Variants in SPOP observed in about 807,000 individuals in gnomAD.
SPOP encodes the protein speckle type BTB/POZ protein.
A neutral mutation model predicts 45.6 loss-of-function variants in SPOP; 11 were observed. The ratio of observed to expected loss-of-function variants is 0.24; its 90% CI spans 0.15 to 0.40. The LOEUF (loss-of-function observed/expected upper bound fraction) is 0.40, where lower values mean the gene tolerates loss of function less well. Ranked by LOEUF, SPOP falls within the 10% of genes least tolerant of loss-of-function variation. The pLI, the probability that SPOP is intolerant of heterozygous loss-of-function variation, is 1.00. For missense variants in SPOP, 152 were observed against 465.6 expected (o/e 0.33, Z 6.20); for synonymous variants, 166 against 166.3 (o/e 1.00, Z 0.01).
At chr17:49,611,783 T>C (rs1044177880) in intron 5 of SPOP, among the ~76,000 whole-genome samples, 14 of 152,076 alleles carry the variant, frequency 9.2e-5, no homozygotes, top group Admixed American at 2.6e-4. Flanking sequence ...CAGAAACAAA[T>C]GTTAAACCTC....
At chr17:49,644,001 A>G (rs984479177) in intron 1 of SPOP, among the ~76,000 whole-genome samples, 3 of 152,078 alleles carry the variant, frequency 2.0e-5, no homozygotes, top group African/African-American at 7.2e-5. Context: ...AAGGAGAATA[A>G]AAGGTGAGCA....
intron 1 of SPOP, among the ~76,000 whole-genome samples, chr17:49,641,265 A>C (rs2072644020): frequency 2.6e-5 from 1 of 38,004 alleles, no homozygotes; most frequent in African/African-American, 1.6e-4. Context: ...TCTGTCTCCA[A>C]AAAAAAAAAA....
At chr17:49,645,024 G>A (rs1048515003) in intron 1 of SPOP, among the ~76,000 whole-genome samples, 4 of 151,880 alleles carry the variant, frequency 2.6e-5, no homozygotes, top group Non-Finnish European at 5.9e-5. Flanking sequence ...CAGGAAAAAT[G>A]GTAAATTAGA....
At chr17:49,654,829 A>G (rs2072886743) in intron 1 of SPOP, among the ~76,000 whole-genome samples, 1 of 152,172 alleles carries the variant, frequency 6.6e-6, no homozygotes, top group South Asian at 2.1e-4. Flanking sequence ...ATTCTGGTTT[A>G]TTTTGTCAAC....
chr17:49,612,228 G>A (rs780226688), intron 5 of SPOP, among the ~76,000 whole-genome samples: 6 of 152,152 alleles, frequency 3.9e-5, no homozygotes, highest in Admixed American at 6.5e-5. Context: ...TAGTTAGGTC[G>A]AGAACATGCA....
intron 1 of SPOP, among the ~76,000 whole-genome samples, chr17:49,647,246 G>T (rs1472990261): frequency 6.8e-6 from 1 of 146,538 alleles, no homozygotes; most frequent in Non-Finnish European, 1.5e-5. Flanking sequence ...AGGCAGAGAG[G>T]TTGCAGACAG....
intron 8 of SPOP, among the ~76,000 whole-genome samples, chr17:49,604,952 G>A (rs953355534): frequency 2.0e-5 from 3 of 152,176 alleles, no homozygotes; most frequent in African/African-American, 7.2e-5. Flanking sequence ...AAAATTCACA[G>A]TAACATTAAT....
At chr17:49,639,121 T>C (rs2072599560) in intron 1 of SPOP, among the ~76,000 whole-genome samples, 3 of 152,174 alleles carry the variant, frequency 2.0e-5, no homozygotes, top group African/African-American at 7.2e-5. Context: ...GATAGAAAGA[T>C]AGAATGCCTT....
At chr17:49,634,535 A>T (rs2072509326) in intron 1 of SPOP, among the ~76,000 whole-genome samples, 3 of 152,250 alleles carry the variant, frequency 2.0e-5, no homozygotes, top group Admixed American at 2.0e-4. Flanking sequence ...CTCAATGATG[A>T]CTATGAAGAA....
intron 1 of SPOP, among the ~76,000 whole-genome samples, chr17:49,661,869 C>T (rs1266718697): frequency 2.0e-5 from 3 of 152,058 alleles, no homozygotes; most frequent in Admixed American, 1.3e-4. Context: ...CAAAATTAGC[C>T]GGGCATTGTG....
intron 1 of SPOP, among the ~76,000 whole-genome samples, chr17:49,638,916 G>A (rs1276115533): frequency 1.3e-5 from 2 of 152,240 alleles, no homozygotes; most frequent in Admixed American, 1.3e-4. Flanking sequence ...GGGAGGCTGA[G>A]ACTGGAGAAT....
chr17:49,663,078 G>A (rs1446956245), intron 1 of SPOP, among the ~76,000 whole-genome samples: 1 of 152,202 alleles, frequency 6.6e-6, no homozygotes, highest in East Asian at 1.9e-4. Flanking sequence ...CTTAGCACAG[G>A]GGTCCCCAGC....
intron 3 of SPOP, among the ~76,000 whole-genome samples, chr17:49,620,198 T>C (rs927974798): frequency 2.7e-5 from 4 of 147,230 alleles, no homozygotes; most frequent in African/African-American, 1.0e-4. Context: ...AAAAAAGAAA[T>C]GTGTGGACCA....
intron 5 of SPOP, among the ~76,000 whole-genome samples, chr17:49,616,218 GA>G (rs2072082532): frequency 6.6e-6 from 1 of 152,132 alleles, no homozygotes; most frequent in Non-Finnish European, 1.5e-5. Context: ...GAATACCACT[GA>G]AATAAAGGCC....
intron 5 of SPOP, among the ~76,000 whole-genome samples, chr17:49,614,473 A>T (rs1229222558): frequency 6.6e-6 from 1 of 152,282 alleles, no homozygotes; most frequent in Non-Finnish European, 1.5e-5. Flanking sequence ...CAAGTGCATG[A>T]TAACATAAAA....
intron 1 of SPOP, among the ~76,000 whole-genome samples, chr17:49,677,674 G>A (rs1250385262): frequency 6.6e-6 from 1 of 152,184 alleles, no homozygotes; most frequent in Non-Finnish European, 1.5e-5. Context: ...AGGGGGATGG[G>A]GCTGGGAAAT....
rs151134184 is a variant in SPOP, at chr17:49,662,591, G to A, written c.-67+15342C>T. ...AATCCCAGCTACTCGGGAGGTTGAG[G>A]CAGGACAGTCGCTTGAACCTGGGAG... is the stretch of plus-strand genomic sequence containing the variant. On this transcript the variant is annotated intron_variant, in intron 1 of 9. Coordinates refer to ENST00000504102, the MANE Select transcript of SPOP (RefSeq NM_001007228.2). 7.8e-4 allele frequency among the ~76,000 whole-genome samples: 119 copies of A among 152,062 alleles called. 1 individual carries two copies. The East Asian group carries it at 0.019, about 24-fold the overall frequency.
chr17:49,677,146 A>G lies in SPOP; in HGVS notation c.-67+787T>C, dbSNP rs144511282. Among the ~76,000 whole-genome samples the G allele has an allele frequency of 3.8e-3, 573 of 152,358 alleles. 1 individual carries two copies. The highest frequency in any genetic ancestry group is 0.013 in the African/African-American group (546 of 41,590). ...TGAAATGCCTCACTTAGTTCCATTT[A>G]TGACCCTTAGTCTTCTTTAGCAAGG... On this transcript the variant is annotated intron_variant, in intron 1 of 9. Coordinates refer to ENST00000504102, the MANE Select transcript of SPOP (RefSeq NM_001007228.2).
chr17:49,643,481 A>G (rs1028402077), intron 1 of SPOP, among the ~76,000 whole-genome samples: 1 of 152,250 alleles, frequency 6.6e-6, no homozygotes, highest in African/African-American at 2.4e-5. Context: ...AGGTGAAGAC[A>G]TATTTTTTAA....
Sources: gnomAD v4.1 joint callset for allele counts (sites outside exome capture counted in the v4.1 genomes callset) on GRCh38, gnomAD v4.1.1 for gene constraint, MANE v1.5 for transcripts, NCBI Gene and HGNC (gene_info 2026-07-23, HGNC 2026-07-21) for gene names.